The following ARHGAP22 variants were observed in gnomAD, a reference collection of about 807,000 sequenced individuals.
ARHGAP22 encodes rho GTPase-activating protein 22.
In ARHGAP22, 48 loss-of-function variants were observed where a neutral mutation model predicts 59.1. That is an observed-to-expected ratio of 0.81 (90% CI 0.64 to 1.03). The LOEUF (loss-of-function observed/expected upper bound fraction) is 1.03. Among genes scored for constraint, ARHGAP22 ranks in the 50% least tolerant of loss-of-function variants. The pLI is 0.00. For missense variants in ARHGAP22, 1,015 were observed against 958.7 expected, an observed-to-expected ratio of 1.06 and a Z score of -0.78; for synonymous variants, 445 against 416.4, an observed-to-expected ratio of 1.07 and a Z score of -0.84.
chr10:48,612,070 C>G (rs1297941423), intron 1 of ARHGAP22, among the ~76,000 whole-genome samples: 1 of 151,774 alleles, frequency 6.6e-6, no homozygotes, highest in African/African-American at 2.4e-5. Flanking sequence ...ATCCGCCTGC[C>G]TTGGCCTCCC....
intron 3 of ARHGAP22, among the ~76,000 whole-genome samples, chr10:48,506,682 G>T (rs2052168172): frequency 6.6e-6 from 1 of 152,114 alleles, no homozygotes. Flanking sequence ...TAGTCTAAGT[G>T]CATGCGCCCC....
chr10:48,509,180 G>A (rs2052485474), intron 3 of ARHGAP22, among the ~76,000 whole-genome samples: 1 of 152,208 alleles, frequency 6.6e-6, no homozygotes, highest in African/African-American at 2.4e-5. Context: ...AAGGGCAGTG[G>A]TCTCACCTGC....
At chr10:48,479,231 A>G in intron 4 of ARHGAP22, 1 of 220,406 alleles carries the variant, frequency 4.5e-6, no homozygotes, top group Admixed American at 5.7e-5. Flanking sequence ...ACTCCACCTA[A>G]CCACACCCCC....
chr10:48,597,944 C>T (rs1396922322), intron 1 of ARHGAP22, among the ~76,000 whole-genome samples: 2 of 152,206 alleles, frequency 1.3e-5, no homozygotes, highest in African/African-American at 4.8e-5. Context: ...ATAGTGGAGT[C>T]CAAGGTGGCC....
intron 3 of ARHGAP22, among the ~76,000 whole-genome samples, chr10:48,522,204 C>T (rs1292238440): frequency 2.0e-5 from 3 of 152,346 alleles, no homozygotes; most frequent in Middle Eastern, 3.4e-3. Context: ...GGCACCACAG[C>T]GCTCCCCACC....
At chr10:48,447,659 T>C (rs542442225) in intron 9 of ARHGAP22, among the ~76,000 whole-genome samples, 113 of 152,002 alleles carry the variant, frequency 7.4e-4, no homozygotes, top group African/African-American at 2.7e-3. Context: ...CCTCCCCTCT[T>C]CCTTCTCTGT....
At chr10:48,491,086 A>T (rs2050344696) in intron 3 of ARHGAP22, among the ~76,000 whole-genome samples, 1 of 152,154 alleles carries the variant, frequency 6.6e-6, no homozygotes, top group African/African-American at 2.4e-5. Context: ...TCAGTTGAGC[A>T]GCCACAGAGA....
chr10:48,490,884 C>T (rs947121995), intron 3 of ARHGAP22, among the ~76,000 whole-genome samples: 2 of 152,178 alleles, frequency 1.3e-5, no homozygotes, highest in African/African-American at 4.8e-5. Context: ...AAGTTGAAAC[C>T]GGACACATCC....
In ARHGAP22 at chr10:48,583,013, C is replaced by CTGGTT; in HGVS notation, c.173_174insAACCA (p.Trp58Ter). On this transcript the variant is annotated stop_gained and frameshift_variant, in exon 2 of 10. Transcript: ENST00000249601. LOFTEE classifies it high-confidence loss of function. The stretch of plus-strand genomic sequence containing the variant: ...AAAGCTGATCCCCACGCAGCACAAA[C>CTGGTT]CAGCGCTGCTGCCAGTTCTTCATGA... The CTGGTT allele has an allele frequency of 6.2e-7, 1 of 1,614,276 alleles. No homozygotes were observed. The highest frequency in any genetic ancestry group is 8.5e-7 in the Non-Finnish European group (1 of 1,180,048).
intron 1 of ARHGAP22, among the ~76,000 whole-genome samples, chr10:48,593,451 C>T (rs747013303): frequency 6.6e-6 from 1 of 152,204 alleles, no homozygotes; most frequent in Non-Finnish European, 1.5e-5. Flanking sequence ...TTTTCCTATA[C>T]ATACATATCT....
chr10:48,447,999 C>T (rs1308290840), intron 9 of ARHGAP22, among the ~76,000 whole-genome samples: 2 of 152,042 alleles, frequency 1.3e-5, no homozygotes, highest in Non-Finnish European at 1.5e-5. Flanking sequence ...CCCCACACCT[C>T]CTAACTGGTC....
At chr10:48,479,883 T>G in intron 3 of ARHGAP22, 119 bp from the exon 4 acceptor site, 4 of 987,834 alleles carry the variant, frequency 4.0e-6, no homozygotes, top group Non-Finnish European at 5.7e-6. Context: ...CAGCAACAGC[T>G]GAGCTTTGCT....
chr10:48,611,481 C>T (rs2060882785), intron 1 of ARHGAP22, among the ~76,000 whole-genome samples: 2 of 152,172 alleles, frequency 1.3e-5, no homozygotes, highest in African/African-American at 4.8e-5. Context: ...CCTTCCCCAA[C>T]CGTACCAACA....
At chr10:48,448,672 T>C (rs2045600139) in intron 9 of ARHGAP22, among the ~76,000 whole-genome samples, 1 of 144,970 alleles carries the variant, frequency 6.9e-6, no homozygotes. Context: ...ACAGGACAGG[T>C]GCTAATGCCC....
chr10:48,479,325 C>T (rs561622415), intron 4 of ARHGAP22: 23 of 485,054 alleles, frequency 4.7e-5, no homozygotes, highest in African/African-American at 3.8e-4. Context: ...TCTACCATCC[C>T]TCCCACAGAG....
chr10:48,571,769 T>C (rs3853765), intron 2 of ARHGAP22, among the ~76,000 whole-genome samples: 149,505 of 152,326 alleles, frequency 0.98, 73,425 homozygotes, highest in Middle Eastern at 1. Context: ...CAGTTGCATT[T>C]GGCAGCTGAG....
At chr10:48,628,913 G>T (rs1258761181) in intron 1 of ARHGAP22, among the ~76,000 whole-genome samples, 1 of 152,102 alleles carries the variant, frequency 6.6e-6, no homozygotes, top group African/African-American at 2.4e-5. Context: ...AAGGTGCAGT[G>T]GTGGCCACTG....
At chr10:48,631,364 C>G (rs1300975508) in intron 1 of ARHGAP22, among the ~76,000 whole-genome samples, 1 of 152,166 alleles carries the variant, frequency 6.6e-6, no homozygotes, top group Non-Finnish European at 1.5e-5. Flanking sequence ...CTGGAAGATA[C>G]TGTAGAGAAT....
chr10:48,460,851 C>G (rs1341851171), intron 4 of ARHGAP22, among the ~76,000 whole-genome samples: 2 of 151,626 alleles, frequency 1.3e-5, no homozygotes, highest in Admixed American at 1.3e-4. Flanking sequence ...ATGGGTGAAC[C>G]TGAGAACATT....
Sources: allele counts gnomAD v4.1 joint callset (sites outside exome capture counted in the v4.1 genomes callset), GRCh38; gene constraint gnomAD v4.1.1; transcripts MANE v1.5; gene names NCBI Gene and HGNC (gene_info 2026-07-23, HGNC 2026-07-21).